LRP1B: variants seen among roughly 807,000 people sequenced by gnomAD.
LRP1B encodes the protein low-density lipoprotein receptor-related protein 1B.
A neutral mutation model predicts 556.6 loss-of-function variants in LRP1B; 217 were observed. The ratio of observed to expected loss-of-function variants is 0.39; its 90% CI spans 0.35 to 0.44. The LOEUF is 0.44. Ranked by LOEUF, LRP1B falls within the 20% of genes least tolerant of loss-of-function variation. The probability of loss-of-function intolerance (pLI) is 1.00; values close to 1 mark genes in which losing one functional copy is unlikely to be tolerated. For missense variants in LRP1B, 5,053 were observed against 5,620.8 expected, an observed-to-expected ratio of 0.90 and a Z score of 3.23; for synonymous variants, 2,047 against 1,865.8, an observed-to-expected ratio of 1.10 and a Z score of -2.50.
chr2:140,637,045 C>T (rs1684094079), intron 41 of LRP1B, among the ~76,000 whole-genome samples: 1 of 151,956 alleles, frequency 6.6e-6, no homozygotes, highest in African/African-American at 2.4e-5. Context: ...GGCTTTGGAC[C>T]AAAAAGTGAA....
intron 2 of LRP1B, among the ~76,000 whole-genome samples, chr2:141,802,344 C>T (rs1696034399): frequency 6.6e-6 from 1 of 152,062 alleles, no homozygotes; most frequent in Non-Finnish European, 1.5e-5. Context: ...TTGGATCCCT[C>T]CTACCCAACC....
Position 140,743,980 on chromosome 2 carries a change from AAAAAAAAAAAAGT to A in LRP1B, c.5758+25220_5758+25232del, listed in dbSNP as rs975015215. Among the ~76,000 whole-genome samples, 13 of 43,402 alleles carry A rather than the reference AAAAAAAAAAAAGT, an allele frequency of 3.0e-4. 1 individual carries two copies. The highest frequency in any genetic ancestry group is 1.2e-3 in the South Asian group (1 of 850). 28.5% of individuals were successfully genotyped at this position (43,402 alleles called of 152,430 possible). A position where few individuals can be genotyped will look rare whatever the true frequency, so the allele number is the denominator to read the frequency against. On this transcript the variant is annotated intron_variant, in intron 35 of 90. Coordinates refer to ENST00000389484, the MANE Select transcript of LRP1B (RefSeq NM_018557.3). Reference sequence around the variant, plus strand: ...GACTTGGTCTCAAAAAAAAAAAAAAAAAAAAAAAAAAGTAAAAAGTAAAATCCATAGACATAGA... The same window carrying A: ...GACTTGGTCTCAAAAAAAAAAAAAAAAAAAAGTAAAATCCATAGACATAGA...
At chr2:141,840,562 A>C (rs1315495012) in intron 1 of LRP1B, among the ~76,000 whole-genome samples, 1 of 152,048 alleles carries the variant, frequency 6.6e-6, no homozygotes, top group African/African-American at 2.4e-5. Context: ...CGGCATTATT[A>C]GAACAAATTT....
At chr2:141,538,889 C>T (rs764971748) in intron 2 of LRP1B, among the ~76,000 whole-genome samples, 1 of 152,154 alleles carries the variant, frequency 6.6e-6, no homozygotes, top group Non-Finnish European at 1.5e-5. Context: ...TCCCCCGGCA[C>T]TGGCCTCCCA....
chr2:140,760,059 A>C (rs1251005475), intron 35 of LRP1B, among the ~76,000 whole-genome samples: 1 of 152,192 alleles, frequency 6.6e-6, no homozygotes, highest in Non-Finnish European at 1.5e-5. Context: ...CTTTTGTTGA[A>C]GGACTCTTCT....
chr2:142,048,900 C>G (rs72990363), intron 1 of LRP1B, among the ~76,000 whole-genome samples: 333 of 152,126 alleles, frequency 2.2e-3, no homozygotes, highest in African/African-American at 7.5e-3. Flanking sequence ...CTGAAAAGTA[C>G]TTGTTTAAAA....
chr2:140,458,599 A>T (rs16844013), intron 60 of LRP1B, among the ~76,000 whole-genome samples: 2,335 of 152,232 alleles, frequency 0.015, 61 homozygotes, highest in African/African-American at 0.051. Context: ...AGAAATTCTG[A>T]CATGTTCATT....
intron 20 of LRP1B, among the ~76,000 whole-genome samples, chr2:140,927,469 T>C (rs765295063): frequency 6.6e-6 from 1 of 152,186 alleles, no homozygotes. Context: ...TAACTTCTTG[T>C]ATGGTTTTTC....
Position 140,951,843 on chromosome 2 carries a change from G to A in LRP1B, c.2968+17C>T, listed in dbSNP as rs774512574. 1.9e-6 allele frequency: 3 copies of A among 1,596,952 alleles called. No individual in the cohort carries two copies. Among genetic ancestry groups the A allele is most frequent in the South Asian group, 1.1e-5 (1 of 90,750 alleles). ...CCCGATCAAATTAGTGCTATACAGT[G>A]AGCATTTGGTACTTGCCAGAGTCGC... On this transcript the variant is annotated intron_variant, in intron 19 of 90. Coordinates refer to ENST00000389484, the MANE Select transcript of LRP1B (RefSeq NM_018557.3).
At chr2:142,041,460 T>G (rs2105215579) in intron 1 of LRP1B, among the ~76,000 whole-genome samples, 1 of 151,540 alleles carries the variant, frequency 6.6e-6, no homozygotes, top group East Asian at 1.9e-4. Flanking sequence ...AAAAGGGCAA[T>G]AATTTTGGCT....
intron 32 of LRP1B, among the ~76,000 whole-genome samples, chr2:140,811,744 T>C (rs1363228778): frequency 6.6e-6 from 1 of 151,940 alleles, no homozygotes; most frequent in Non-Finnish European, 1.5e-5. Flanking sequence ...CTAAGTAATA[T>C]ATTCTGTTTT....
intron 11 of LRP1B, among the ~76,000 whole-genome samples, chr2:141,047,705 T>G (rs1216960539): frequency 2.0e-5 from 3 of 152,132 alleles, no homozygotes; most frequent in Non-Finnish European, 4.4e-5. Flanking sequence ...GCCTTTCACT[T>G]TCGACTCTCT....
At chr2:141,550,110 A>G (rs1027490335) in intron 2 of LRP1B, among the ~76,000 whole-genome samples, 2 of 152,222 alleles carry the variant, frequency 1.3e-5, no homozygotes, top group Non-Finnish European at 2.9e-5. Flanking sequence ...GTTTGGCTTC[A>G]ATTGAAACTT....
At chr2:140,449,307 A>G (rs1451273002) in intron 63 of LRP1B, among the ~76,000 whole-genome samples, 1 of 152,128 alleles carries the variant, frequency 6.6e-6, no homozygotes, top group African/African-American at 2.4e-5. Flanking sequence ...TTGTGGGGAA[A>G]GTAATAACTT....
At chr2:140,274,292 TA>T in intron 85 of LRP1B, 131 bp downstream of exon 85, 1 of 740,122 alleles carries the variant, frequency 1.4e-6, no homozygotes. Context: ...TCTCTAATCA[TA>T]AAAACTGCAA....
intron 41 of LRP1B, among the ~76,000 whole-genome samples, chr2:140,678,804 GTC>G (rs1291936953): frequency 6.7e-6 from 1 of 148,366 alleles, no homozygotes; most frequent in African/African-American, 2.5e-5. Context: ...GGGGAATGGA[GTC>G]TCTCTCTGTC....
intron 1 of LRP1B, among the ~76,000 whole-genome samples, chr2:142,125,512 A>T (rs1437189196): frequency 2.6e-5 from 4 of 151,842 alleles, no homozygotes; most frequent in Non-Finnish European, 5.9e-5. Flanking sequence ...AACTTTTAAA[A>T]ACTCAAATTA....
intron 11 of LRP1B, among the ~76,000 whole-genome samples, chr2:141,030,621 T>C (rs750854028): frequency 6.6e-6 from 1 of 152,048 alleles, no homozygotes; most frequent in Non-Finnish European, 1.5e-5. Flanking sequence ...CAGATTTGTA[T>C]TAACCAAAGA....
chr2:141,553,104 A>G (rs1685814655), intron 2 of LRP1B, among the ~76,000 whole-genome samples: 1 of 151,866 alleles, frequency 6.6e-6, no homozygotes, highest in Non-Finnish European at 1.5e-5. Context: ...TTATAGGATG[A>G]GGACACTTAA....
Sources: gnomAD v4.1 joint callset for allele counts (sites outside exome capture counted in the v4.1 genomes callset) on GRCh38, gnomAD v4.1.1 for gene constraint, MANE v1.5 for transcripts, NCBI Gene and HGNC (gene_info 2026-07-23, HGNC 2026-07-21) for gene names.